The following DMRT2 variants were observed in gnomAD, a reference collection of about 807,000 sequenced individuals.
DMRT2 encodes the protein doublesex- and mab-3-related transcription factor 2.
DMRT2 carries 33 observed loss-of-function variants against 43.5 expected under a neutral mutation model. The ratio of observed to expected loss-of-function variants is 0.76; its 90% CI spans 0.58 to 1.01. DMRT2 has a LOEUF of 1.01. DMRT2 is among the 50% of genes least tolerant of loss of function. The pLI is 0.00. For missense variants in DMRT2, 1,064 were observed against 748.0 expected, an observed-to-expected ratio of 1.42 and a Z score of -4.93; for synonymous variants, 395 against 309.2, an observed-to-expected ratio of 1.28 and a Z score of -2.91.
At chr9:1,052,193 G>T (rs1300575663) in intron 2 of DMRT2, 55 bp downstream of exon 2, 2 of 1,292,708 alleles carry the variant, frequency 1.5e-6, no homozygotes, top group African/African-American at 1.6e-5. Flanking sequence ...GGGGGAGTTG[G>T]AGGGGAGCGG....
intron 3 of DMRT2, among the ~76,000 whole-genome samples, chr9:1,054,178 C>G (rs1160997617): frequency 6.6e-6 from 1 of 152,084 alleles, no homozygotes; most frequent in African/African-American, 2.4e-5. Context: ...TGAAATTTAC[C>G]CCGTATGAGG....
At position 1,056,621 on chromosome 9, in the gene DMRT2, C is replaced by A; in HGVS notation, c.1034C>A (p.Pro345His). 7 of 1,614,110 alleles carry A rather than the reference C, an allele frequency of 4.3e-6. No individual in the cohort carries two copies. The highest frequency in any genetic ancestry group is 5.9e-6 in the Non-Finnish European group (7 of 1,180,022). The change falls in exon 4 of 4, where the codon CCC (proline) becomes CAC (histidine). Residue 345 changes from proline (P) to histidine (H), a missense_variant. Transcript: ENST00000358146. ...TTGTCCTCAAGATTTTTAGTTTGGC[C>A]CAAGTGTGGCCCCATTAGCGACACC... Reference protein sequence around the residue: ...YPLSSRFLVWPKCGPISDTLL... With the variant: ...YPLSSRFLVWHKCGPISDTLL...
Position 1,052,061 on chromosome 9 carries a change from G to A in DMRT2, c.448G>A (p.Ala150Thr), listed in dbSNP as rs369093745. The change falls in exon 2 of 4, where the codon GCC becomes ACC. Residue 150 changes from alanine (A) to threonine (T), a missense_variant. Physicochemically the swap from Ala to Thr is moderately conservative, Grantham distance 58. Transcript: ENST00000358146. ...CTGTCGCTGGCGCGACTGCCAGTGC[G>A]CCAACTGCCTGCTGGTGGTGGAGCG... ...RFCRWRDCQC[A>T]NCLLVVERQR... The A allele has an allele frequency of 2.7e-6, 4 of 1,468,944 alleles. No individual in the cohort carries two copies. The Admixed American group carries it at 7.2e-5, about 26-fold the overall frequency. 91.0% of individuals were successfully genotyped at this position (1,468,944 alleles called of 1,614,324 possible).
At chr9:1,050,898 G>A (rs1821521841) in intron 1 of DMRT2, 123 bp downstream of exon 1, 1 of 152,252 alleles carries the variant, frequency 6.6e-6, no homozygotes, top group African/African-American at 2.4e-5. Context: ...AGTACAGAGA[G>A]CCCACGCGGC....
chr9:1,056,579 C>A lies in DMRT2; in HGVS notation c.992C>A (p.Thr331Asn). Residue 331 changes from threonine to asparagine, a missense_variant, in exon 4 of 4, where the codon ACT (threonine) becomes AAT (asparagine). Thr to Asn is a moderately conservative substitution (Grantham distance 65). Transcript: ENST00000358146. ...LISSNVSVATTYRQYPLSSRF... is the reference protein window; with the variant it reads ...LISSNVSVATNYRQYPLSSRF... ...TCTTCTAATGTCAGCGTGGCCACAA[C>A]TTATAGACAGTATCCCTTGTCCTCA... The A allele has an allele frequency of 6.2e-7, 1 of 1,614,208 alleles. No homozygotes were observed. The highest frequency in any genetic ancestry group is 1.6e-4 in the Middle Eastern group (1 of 6,062).
At chr9:1,054,574 T>C (rs1403230734) in intron 3 of DMRT2, 1 of 152,246 alleles carries the variant, frequency 6.6e-6, no homozygotes, top group Non-Finnish European at 1.5e-5. Flanking sequence ...TCTGTCTCCA[T>C]GTTCTCACTT....
intron 3 of DMRT2, 25 bp downstream of exon 3, chr9:1,053,849 G>C (rs752894563): frequency 6.3e-7 from 1 of 1,593,448 alleles, no homozygotes; most frequent in African/African-American, 1.3e-5. Flanking sequence ...TTATCCTTCA[G>C]CCTTTTAAAC....
chr9:1,053,625 G>A, intron 2 of DMRT2, 97 bp from the exon 3 acceptor site: 1 of 1,022,850 alleles, frequency 9.8e-7, no homozygotes, highest in Non-Finnish European at 1.5e-6. Flanking sequence ...TTTAGAAGGG[G>A]GAGAGTTTCT....
chr9:1,054,094 T>G (rs1276098896), intron 3 of DMRT2, among the ~76,000 whole-genome samples: 1 of 152,252 alleles, frequency 6.6e-6, no homozygotes, highest in Non-Finnish European at 1.5e-5. Context: ...CTGAGGTTTC[T>G]GTCACCACCA....
At position 1,052,142 on chromosome 9, in the gene DMRT2, CG is replaced by C; in HGVS notation, c.525+5del. 3 of 1,380,202 alleles carry C rather than the reference CG, an allele frequency of 2.2e-6. No homozygotes were observed. The highest frequency in any genetic ancestry group is 2.8e-6 in the Non-Finnish European group (3 of 1,073,136). 85.5% of individuals were successfully genotyped at this position (1,380,202 alleles called of 1,614,324 possible). A position where few individuals can be genotyped will look rare whatever the true frequency, so the allele number is the denominator to read the frequency against. ...CCGGAGGCAGCAGGCCACCGAGGTG[CG>C]TACCCGCCCGGCCCGGGCGTCTCAG... On this transcript the variant is annotated splice_donor_5th_base_variant and intron_variant, in intron 2 of 3. Transcript: ENST00000358146.
rs1425730983 is a variant in DMRT2 at position 1,056,478 on chromosome 9, G to A, written c.891G>A (p.Lys297=). The A allele has an allele frequency of 3.1e-6, 5 of 1,614,076 alleles. No individual in the cohort carries two copies. Among genetic ancestry groups the A allele is most frequent in the Non-Finnish European group, 3.4e-6 (4 of 1,180,034 alleles). ...CCAGCCCAGTGGAACCACCAAGCAA[G>A]GACTTCTGTAATTTTTTGCCCACCT... ...YSPSPVEPPS[K]DFCNFLPTCL... Residue 297 remains lysine, a synonymous_variant, in exon 4 of 4, where the codon AAG becomes AAA. Transcript: ENST00000358146.
In DMRT2 at chr9:1,050,384, C is replaced by G. The variant is rs1340780685; in HGVS notation, c.-436C>G. 6.6e-6 allele frequency: 1 copy of G among 152,220 alleles called. No individual in the cohort carries two copies. The highest frequency in any genetic ancestry group is 2.4e-5 in the African/African-American group (1 of 41,444). The allele number at this position is 152,220 out of a possible 1,614,324, so 9.4% of individuals were successfully genotyped here. A position where few individuals can be genotyped will look rare whatever the true frequency, so the allele number is the denominator to read the frequency against. On this transcript the variant is annotated 5_prime_UTR_variant, in exon 1 of 4. Transcript: ENST00000358146. ...TGGCGCTGCGCTGAATGCAACTGCG[C>G]GCGCCCGCCGGGTGAGCCAGCGATC...
chr9:1,057,498 T>C lies in DMRT2; in HGVS notation c.*225T>C. 1 of 481,686 alleles carries C rather than the reference T, an allele frequency of 2.1e-6. No homozygotes were observed. Among genetic ancestry groups the C allele is most frequent in the South Asian group, 4.1e-5 (1 of 24,246 alleles). 29.8% of individuals were successfully genotyped at this position (481,686 alleles called of 1,614,324 possible). Reference sequence around the variant, plus strand: ...ATGTGCAAATTGTTAAGTACCACACTTTACACAGCATTTCAAAAAGCAATA... The same window carrying C: ...ATGTGCAAATTGTTAAGTACCACACCTTACACAGCATTTCAAAAAGCAATA... On this transcript the variant is annotated 3_prime_UTR_variant, in exon 4 of 4. Coordinates refer to ENST00000358146, the MANE Select transcript of DMRT2 (RefSeq NM_181872.6).
At chr9:1,052,947 C>T (rs1821706804) in intron 2 of DMRT2, 1 of 152,418 alleles carries the variant, frequency 6.6e-6, no homozygotes, top group African/African-American at 2.4e-5. Context: ...AGTGGATCGC[C>T]AGACACACTG....
At position 1,057,504 on chromosome 9, in the gene DMRT2, C is replaced by T. The variant is rs1040126326; in HGVS notation, c.*231C>T. 2 of 466,178 alleles carry T rather than the reference C, an allele frequency of 4.3e-6. No individual in the cohort carries two copies. Among genetic ancestry groups the T allele is most frequent in the Non-Finnish European group, 3.7e-6 (1 of 268,442 alleles). The allele number at this position is 466,178 out of a possible 1,614,324, so 28.9% of individuals were successfully genotyped here. ...AAATTGTTAAGTACCACACTTTACA[C>T]AGCATTTCAAAAAGCAATAAAATTG... On this transcript the variant is annotated 3_prime_UTR_variant, in exon 4 of 4. Transcript: ENST00000358146.
chr9:1,056,905 G>T lies in DMRT2; in HGVS notation c.1318G>T (p.Val440Phe), dbSNP rs1822038876. Reference sequence around the variant, plus strand: ...ACCCCGACGGAATTTCTCTCCCATTGTTGACACGGACTCCCTGGCAGCTCA... The same window carrying T: ...ACCCCGACGGAATTTCTCTCCCATTTTTGACACGGACTCCCTGGCAGCTCA... ...SPPRRNFSPI[V>F]DTDSLAAQGH... Residue 440 changes from valine to phenylalanine, a missense_variant, in exon 4 of 4, where the codon GTT becomes TTT. Coordinates refer to ENST00000358146, the MANE Select transcript of DMRT2 (RefSeq NM_181872.6). The T allele has an allele frequency of 6.2e-7, 1 of 1,614,018 alleles. No individual in the cohort carries two copies. The highest frequency in any genetic ancestry group is 8.5e-7 in the Non-Finnish European group (1 of 1,180,028).
intron 3 of DMRT2, among the ~76,000 whole-genome samples, chr9:1,055,308 T>C (rs1352973495): frequency 3.9e-5 from 6 of 152,218 alleles, no homozygotes; most frequent in Non-Finnish European, 8.8e-5. Flanking sequence ...TTGGGGGTGA[T>C]GAAATACTCC....
intron 2 of DMRT2, 24 bp downstream of exon 2, chr9:1,052,162 G>A (rs1228565061): frequency 5.9e-6 from 8 of 1,349,332 alleles, no homozygotes; most frequent in South Asian, 1.8e-5. Context: ...CGGCCCGGGC[G>A]TCTCAGGCCA....
rs1316205338 is a variant in DMRT2 at position 1,056,282 on chromosome 9, A to G, written c.695A>G (p.Asp232Gly). 2 of 1,614,176 alleles carry G rather than the reference A, an allele frequency of 1.2e-6. No individual in the cohort carries two copies. ...TTCCCTCTACCTCCCCCAGTTAGTG[A>G]CAGGATGAGGAAAAGAAGAGCCTTT... ...GTFPLPPPVS[D>G]RMRKRRAFAD... The change falls in exon 4 of 4, where the codon GAC becomes GGC. Residue 232 changes from aspartate to glycine, a missense_variant. Asp to Gly is a moderately conservative substitution (Grantham distance 94). Coordinates refer to ENST00000358146, the MANE Select transcript of DMRT2 (RefSeq NM_181872.6).
Sources: allele counts gnomAD v4.1 joint callset (sites outside exome capture counted in the v4.1 genomes callset), GRCh38; gene constraint gnomAD v4.1.1; transcripts MANE v1.5; gene names NCBI Gene and HGNC (gene_info 2026-07-23, HGNC 2026-07-21).